SLC4A10: variants seen among roughly 807,000 people sequenced by gnomAD.
SLC4A10 encodes the protein sodium-driven chloride bicarbonate exchanger.
In SLC4A10, 42 loss-of-function variants were observed where a neutral mutation model predicts 137.7. That is an observed-to-expected ratio of 0.30 (90% CI 0.24 to 0.39). SLC4A10 has a LOEUF of 0.39. Among genes scored for constraint, SLC4A10 ranks in the 10% least tolerant of loss-of-function variants. SLC4A10 has a pLI of 1.00. For missense variants in SLC4A10, 925 were observed against 1,355.0 expected, an observed-to-expected ratio of 0.68 and a Z score of 4.98; for synonymous variants, 474 against 464.1, an observed-to-expected ratio of 1.02 and a Z score of -0.27.
rs1376909623 is a variant in SLC4A10 at position 161,784,399 on chromosome 2, A to C, written c.130+13345A>C. 7.9e-5 allele frequency among the ~76,000 whole-genome samples: 12 copies of C among 151,952 alleles called. No individual in the cohort carries two copies. The East Asian group carries it at 2.3e-3, about 29-fold the overall frequency. On this transcript the variant is annotated intron_variant, in intron 2 of 26. Coordinates refer to ENST00000446997, the MANE Select transcript of SLC4A10 (RefSeq NM_001178015.2). ...GACTTCAACAACCTTATAGAAAAAA[A>C]TGGACCCAATAGACATGAACATTTC... is the stretch of plus-strand genomic sequence containing the variant.
intron 3 of SLC4A10, among the ~76,000 whole-genome samples, chr2:161,837,897 C>A (rs549774629): frequency 3.3e-5 from 5 of 152,222 alleles, no homozygotes; most frequent in Middle Eastern, 3.4e-3. Context: ...ATAAAATGAA[C>A]CTGCTCTCTC....
At chr2:161,934,536 T>C (rs1691220682) in intron 15 of SLC4A10, among the ~76,000 whole-genome samples, 1 of 152,210 alleles carries the variant, frequency 6.6e-6, no homozygotes, top group African/African-American at 2.4e-5. Flanking sequence ...TCATCATATA[T>C]ATGTACCACA....
At chr2:161,672,572 T>G (rs2039857732) in intron 1 of SLC4A10, among the ~76,000 whole-genome samples, 1 of 152,118 alleles carries the variant, frequency 6.6e-6, no homozygotes, top group Admixed American at 6.6e-5. Context: ...TATCTTTGTC[T>G]TACTGATTTT....
intron 3 of SLC4A10, among the ~76,000 whole-genome samples, chr2:161,817,986 CT>C (rs1327079651): frequency 2.6e-5 from 4 of 151,878 alleles, no homozygotes; most frequent in African/African-American, 9.7e-5. Flanking sequence ...TCCATATGAA[CT>C]TTAAAGCAGT....
At chr2:161,708,789 A>G in intron 1 of SLC4A10, 1 of 1,532,858 alleles carries the variant, frequency 6.5e-7, no homozygotes, top group Non-Finnish European at 8.7e-7. Context: ...AAGGTCATGC[A>G]GTCTGGAACC....
chr2:161,905,543 C>T (rs1446481727), intron 14 of SLC4A10, 99 bp from the exon 15 acceptor site: 18 of 1,468,672 alleles, frequency 1.2e-5, no homozygotes, highest in Non-Finnish European at 1.6e-5. Flanking sequence ...AGCTTATTTA[C>T]TTTCACTTCC....
chr2:161,859,405 T>C (rs1227933), intron 5 of SLC4A10, among the ~76,000 whole-genome samples: 104,198 of 149,534 alleles, frequency 0.7, 36,600 homozygotes, highest in East Asian at 0.99. Flanking sequence ...ATTCTCCTAC[T>C]TCAATCTCTT....
chr2:161,823,435 G>A (rs1284316116), intron 3 of SLC4A10, among the ~76,000 whole-genome samples: 1 of 152,206 alleles, frequency 6.6e-6, no homozygotes, highest in East Asian at 1.9e-4. Context: ...TCAGTAAACA[G>A]CATATTGCCG....
At chr2:161,657,818 G>A (rs753165614) in intron 1 of SLC4A10, among the ~76,000 whole-genome samples, 4 of 151,944 alleles carry the variant, frequency 2.6e-5, no homozygotes, top group Non-Finnish European at 5.9e-5. Context: ...AGAAAATACG[G>A]GAGGAGTAGA....
intron 10 of SLC4A10, among the ~76,000 whole-genome samples, chr2:161,885,643 A>G (rs1030747800): frequency 6.6e-6 from 1 of 152,216 alleles, no homozygotes; most frequent in African/African-American, 2.4e-5. Context: ...GAGATAAATC[A>G]TATGATTATG....
rs533908678 is a variant in SLC4A10 at position 161,811,033 on chromosome 2, G to A, written c.277+6438G>A. Among the ~76,000 whole-genome samples the A allele has an allele frequency of 3.3e-5, 5 of 151,908 alleles. No homozygotes were observed. The East Asian group carries it at 5.8e-4, about 18-fold the overall frequency. ...GTTGGTAGGTTTTTTTAAAATTACC[G>A]ATTCAATTTCAGAACTTGTTATTGG... On this transcript the variant is annotated intron_variant, in intron 3 of 26. Transcript: ENST00000446997.
intron 1 of SLC4A10, among the ~76,000 whole-genome samples, chr2:161,700,744 A>G (rs999629006): frequency 4.6e-5 from 7 of 152,112 alleles, no homozygotes; most frequent in Admixed American, 3.9e-4. Flanking sequence ...AGATTTAGTC[A>G]GTATTTGACT....
chr2:161,651,807 C>G (rs976694515), intron 1 of SLC4A10, among the ~76,000 whole-genome samples: 2 of 137,058 alleles, frequency 1.5e-5, no homozygotes, highest in Non-Finnish European at 3.2e-5. Flanking sequence ...TCCCTCCCTG[C>G]TCTGCGCCTA....
intron 1 of SLC4A10, among the ~76,000 whole-genome samples, chr2:161,700,364 T>C (rs977043955): frequency 6.6e-6 from 1 of 152,126 alleles, no homozygotes; most frequent in African/African-American, 2.4e-5. Flanking sequence ...AATTTCTTTG[T>C]CCCAGGATTG....
rs1426190096 is a variant in SLC4A10 at position 161,855,099 on chromosome 2, C to T, written c.546C>T (p.Asp182=). The T allele has an allele frequency of 3.7e-6, 6 of 1,610,430 alleles. No homozygotes were observed. The highest frequency in any genetic ancestry group is 2.7e-5 in the African/African-American group (2 of 74,744). ...SCILNGTVLL[D]MHANTLEEIA... ...TTCTGAATGGAACTGTGTTGCTGGA[C>T]ATGCATGCCAACACTTTAGAAGAAA... The change falls in exon 5 of 27, where the codon GAC becomes GAT. Residue 182 remains aspartate (D), a synonymous_variant. Transcript: ENST00000446997.
chr2:161,972,663 GC>G (rs1419766431), intron 23 of SLC4A10, among the ~76,000 whole-genome samples: 1 of 152,154 alleles, frequency 6.6e-6, no homozygotes, highest in East Asian at 1.9e-4. Context: ...CATGCCATTA[GC>G]CTCACAGAAA....
chr2:161,784,815 G>T (rs1271550431), intron 2 of SLC4A10, among the ~76,000 whole-genome samples: 1 of 150,790 alleles, frequency 6.6e-6, no homozygotes, highest in Non-Finnish European at 1.5e-5. Flanking sequence ...TCTCAAATTT[G>T]CAACCTAATT....
At position 161,854,939 on chromosome 2, in the gene SLC4A10, T is replaced by C. The variant is rs1055781284; in HGVS notation, c.417-31T>C. The stretch of plus-strand genomic sequence containing the variant: ...AGGATCATTAACCTACAATATAATA[T>C]AAACTGTGCTGATAATATTTGTTTG... On this transcript the variant is annotated intron_variant, in intron 4 of 26. Transcript: ENST00000446997. The C allele has an allele frequency of 2.5e-6, 4 of 1,587,406 alleles. No homozygotes were observed. In the African/African-American group the frequency reaches 5.4e-5, roughly 21 times the overall value.
intron 3 of SLC4A10, among the ~76,000 whole-genome samples, chr2:161,834,501 C>G (rs1340792180): frequency 6.6e-6 from 1 of 152,112 alleles, no homozygotes; most frequent in Non-Finnish European, 1.5e-5. Flanking sequence ...AAGAAAAGTC[C>G]TTGGTGTGAG....
Sources: gnomAD v4.1 joint callset for allele counts (sites outside exome capture counted in the v4.1 genomes callset) on GRCh38, gnomAD v4.1.1 for gene constraint, MANE v1.5 for transcripts, NCBI Gene and HGNC (gene_info 2026-07-23, HGNC 2026-07-21) for gene names.